DCLK2: variants seen among roughly 807,000 people sequenced by gnomAD.
DCLK2 encodes the protein doublecortin like kinase 2.
In DCLK2, 31 loss-of-function variants were observed where a neutral mutation model predicts 78.4. The observed-to-expected ratio is 0.40, with a 90% CI of 0.30 to 0.53. The LOEUF (loss-of-function observed/expected upper bound fraction) is 0.53. DCLK2 is among the 20% of genes least tolerant of loss of function. DCLK2 has a pLI of 0.61. For synonymous variants in DCLK2, 407 were observed against 374.9 expected, an observed-to-expected ratio of 1.09 and a Z score of -0.99; for missense variants, 872 against 973.7, an observed-to-expected ratio of 0.90 and a Z score of 1.39.
intron 2 of DCLK2, among the ~76,000 whole-genome samples, chr4:150,118,703 A>G (rs984266556): frequency 9.2e-5 from 14 of 152,152 alleles, no homozygotes; most frequent in African/African-American, 2.9e-4. Flanking sequence ...GGGATCAATA[A>G]TAACAATTTT....
chr4:150,108,206 T>G (rs1275371384), intron 2 of DCLK2, among the ~76,000 whole-genome samples: 3 of 152,112 alleles, frequency 2.0e-5, no homozygotes, highest in Non-Finnish European at 2.9e-5. Context: ...ACTTAAATGT[T>G]TTTAAAAATA....
chr4:150,190,956 C>CATAA (rs1357493572), intron 2 of DCLK2, among the ~76,000 whole-genome samples: 2 of 152,024 alleles, frequency 1.3e-5, no homozygotes, highest in Non-Finnish European at 2.9e-5. Flanking sequence ...TACCTATCTA[C>CATAA]ATAAATAAAT....
chr4:150,142,142 T>C (rs995115301), intron 2 of DCLK2, among the ~76,000 whole-genome samples: 1 of 152,232 alleles, frequency 6.6e-6, no homozygotes, highest in African/African-American at 2.4e-5. Context: ...TTAGTGAAGT[T>C]TCCATTTAAT....
chr4:150,235,930 T>A (rs1742466606), intron 10 of DCLK2, among the ~76,000 whole-genome samples: 1 of 152,176 alleles, frequency 6.6e-6, no homozygotes, highest in Admixed American at 6.5e-5. Context: ...GGGTGGCCGT[T>A]AATGCTGTGA....
chr4:150,162,909 A>C (rs7655178), intron 2 of DCLK2, among the ~76,000 whole-genome samples: 44,071 of 152,090 alleles, frequency 0.29, 6,735 homozygotes, highest in South Asian at 0.49. Context: ...CTTTTCACTC[A>C]CTTATTCTGC....
rs1405187796 is a variant in DCLK2, at chr4:150,248,323, C to T, written c.1894C>T (p.Leu632Phe). The T allele has an allele frequency of 1.2e-6, 2 of 1,613,862 alleles. No homozygotes were observed. The highest frequency in any genetic ancestry group is 1.7e-6 in the Non-Finnish European group (2 of 1,179,976). The change falls in exon 14 of 16, where the codon CTT becomes TTT. Residue 632 changes from leucine (L) to phenylalanine (F), a missense_variant. Leu to Phe is a conservative substitution (Grantham distance 22, BLOSUM62 0). Coordinates refer to ENST00000296550, the MANE Select transcript of DCLK2 (RefSeq NM_001040260.4). ...DSAKELISQM[L>F]QVNVEARCTA... is the part of the protein sequence containing the mutation. ...TTTGTAGGAATTAATCAGTCAAATG[C>T]TTCAGGTAAATGTTGAAGCTCGGTG...
At chr4:150,090,926 T>A (rs945046391) in intron 1 of DCLK2, among the ~76,000 whole-genome samples, 1 of 152,172 alleles carries the variant, frequency 6.6e-6, no homozygotes, top group Admixed American at 6.5e-5. Context: ...GTTGTATTCA[T>A]TGAGCAAATA....
Position 150,238,649 on chromosome 4 carries a change from C to G in DCLK2, c.1567-1093C>G, listed in dbSNP as rs1742683308. Among the ~76,000 whole-genome samples the G allele has an allele frequency of 3.3e-5, 5 of 151,852 alleles. No individual in the cohort carries two copies. In the South Asian group the frequency reaches 8.3e-4, roughly 25 times the overall value. On this transcript the variant is annotated intron_variant, in intron 10 of 15. Transcript: ENST00000296550. The stretch of plus-strand genomic sequence containing the variant: ...TTTATTTTTTTACTTTTTATTTTTT[C>G]TCATCTGATTACCCACAAGGAAGGA...
intron 2 of DCLK2, among the ~76,000 whole-genome samples, chr4:150,172,765 G>T (rs1432124219): frequency 9.6e-5 from 13 of 134,788 alleles, no homozygotes; most frequent in East Asian, 2.3e-4. Context: ...TTTTTTGGGG[G>T]GGGGGGGGAT....
chr4:150,130,779 GA>G (rs1352084617), intron 2 of DCLK2, among the ~76,000 whole-genome samples: 1 of 152,042 alleles, frequency 6.6e-6, no homozygotes, highest in African/African-American at 2.4e-5. Flanking sequence ...AGAGGATACG[GA>G]GCAGAGAATC....
chr4:150,164,116 C>T (rs1735898754), intron 2 of DCLK2, among the ~76,000 whole-genome samples: 3 of 152,150 alleles, frequency 2.0e-5, no homozygotes, highest in Admixed American at 2.0e-4. Context: ...GTTTTTAGGC[C>T]AGCAATATAA....
At chr4:150,102,447 C>A in intron 1 of DCLK2, 31 bp from the exon 2 acceptor site, 1 of 1,593,502 alleles carries the variant, frequency 6.3e-7, no homozygotes, top group Non-Finnish European at 8.6e-7. Flanking sequence ...TAGAGATAAT[C>A]ATGCTAATAA....
chr4:150,219,616 C>T lies in DCLK2; in HGVS notation c.1057-1087C>T, dbSNP rs992350594. ...GTGCTAGATGATTTAAGAAAAGGCA[C>T]TGATAAACTAATATTGAGTTAGTGT... On this transcript the variant is annotated intron_variant, in intron 5 of 15. Transcript: ENST00000296550. Among the ~76,000 whole-genome samples, 17 of 152,282 alleles carry T rather than the reference C, an allele frequency of 1.1e-4. No individual in the cohort carries two copies. The East Asian group carries it at 2.9e-3, about 26-fold the overall frequency.
chr4:150,118,477 T>C (rs751908034), intron 2 of DCLK2, among the ~76,000 whole-genome samples: 16 of 152,254 alleles, frequency 1.1e-4, no homozygotes, highest in Non-Finnish European at 1.5e-4. Flanking sequence ...CTTCAGAAAA[T>C]TTAGAAAATA....
At chr4:150,218,642 G>A (rs1740932313) in intron 5 of DCLK2, among the ~76,000 whole-genome samples, 1 of 152,198 alleles carries the variant, frequency 6.6e-6, no homozygotes, top group African/African-American at 2.4e-5. Flanking sequence ...AAAGTCCTGA[G>A]GCCTAAGTGC....
chr4:150,198,909 C>G, intron 4 of DCLK2: 1 of 440,766 alleles, frequency 2.3e-6, no homozygotes, highest in East Asian at 4.3e-5. Flanking sequence ...CCCCTTTCAG[C>G]ACCCCCCCCC....
intron 5 of DCLK2, among the ~76,000 whole-genome samples, chr4:150,219,048 G>A (rs139337843): frequency 5.9e-4 from 90 of 151,944 alleles, no homozygotes; most frequent in Middle Eastern, 6.8e-3. Flanking sequence ...TACGAAAAAT[G>A]CAAAAATTAG....
Position 150,210,161 on chromosome 4 carries a change from A to G in DCLK2, c.1056+6272A>G, listed in dbSNP as rs533310206. Among the ~76,000 whole-genome samples, 16 of 152,262 alleles carry G rather than the reference A, an allele frequency of 1.1e-4. 1 individual carries two copies. The South Asian group carries it at 3.1e-3, about 30-fold the overall frequency. ...CCACTCTTAAGCTGTTTTACCTTGG[A>G]TAAGTCACATCACCCCTATCTGTGG... On this transcript the variant is annotated intron_variant, in intron 5 of 15. Transcript: ENST00000296550.
At chr4:150,133,583 G>A (rs1353616973) in intron 2 of DCLK2, among the ~76,000 whole-genome samples, 1 of 152,194 alleles carries the variant, frequency 6.6e-6, no homozygotes, top group Non-Finnish European at 1.5e-5. Context: ...AATAAACCAA[G>A]GCAGTGTTTT....
Sources: gnomAD v4.1 joint callset for allele counts (sites outside exome capture counted in the v4.1 genomes callset) on GRCh38, gnomAD v4.1.1 for gene constraint, MANE v1.5 for transcripts, NCBI Gene and HGNC (gene_info 2026-07-23, HGNC 2026-07-21) for gene names.